ATP2B2: variants seen among roughly 807,000 people sequenced by gnomAD.
ATP2B2 encodes ATPase plasma membrane Ca2+ transporting 2.
A neutral mutation model predicts 120.0 loss-of-function variants in ATP2B2; 15 were observed. That is an observed-to-expected ratio of 0.12 (90% CI 0.08 to 0.19). ATP2B2 has a LOEUF of 0.19. ATP2B2 is among the 10% of genes least tolerant of loss of function. ATP2B2 has a pLI of 1.00. For synonymous variants in ATP2B2, 694 were observed against 700.3 expected (o/e 0.99, Z 0.14); for missense variants, 1,045 against 1,719.8 (o/e 0.61, Z 6.94).
intron 2 of ATP2B2, among the ~76,000 whole-genome samples, chr3:10,618,323 C>T (rs2069452339): frequency 6.6e-6 from 1 of 152,114 alleles, no homozygotes; most frequent in African/African-American, 2.4e-5. Context: ...AGAGGTGAAC[C>T]TTAGTACTGT....
At chr3:10,628,563 C>A (rs978897801) in intron 1 of ATP2B2, among the ~76,000 whole-genome samples, 1 of 152,224 alleles carries the variant, frequency 6.6e-6, no homozygotes, top group Non-Finnish European at 1.5e-5. Flanking sequence ...TGTAGTAGGG[C>A]GTCCATGCAA....
intron 1 of ATP2B2, among the ~76,000 whole-genome samples, chr3:10,486,790 G>A (rs1417289349): frequency 1.3e-5 from 2 of 152,140 alleles, no homozygotes; most frequent in African/African-American, 4.8e-5. Context: ...CATGATCTTG[G>A]CTCACTGTGA....
chr3:10,527,451 T>G lies in ATP2B2; in HGVS notation c.-320+6588A>C, dbSNP rs556621223. On this transcript the variant is annotated intron_variant, in intron 3 of 21. Transcript: ENST00000646379. The stretch of plus-strand genomic sequence containing the variant: ...GGCTACAGAGCCCACGCTCTTGTAC[T>G]CTTTCACCGCCCTCTGGAGGGAGCA... Among the ~76,000 whole-genome samples the G allele has an allele frequency of 1.2e-3, 180 of 152,340 alleles. 1 individual carries two copies. In the South Asian group the frequency reaches 0.018, roughly 15 times the overall value.
intron 2 of ATP2B2, among the ~76,000 whole-genome samples, chr3:10,615,590 G>T (rs2069363190): frequency 6.6e-6 from 1 of 152,140 alleles, no homozygotes; most frequent in South Asian, 2.1e-4. Flanking sequence ...GGGACAGAAG[G>T]ACCTTGAAGC....
At chr3:10,538,710 T>A (rs954334917) in intron 2 of ATP2B2, among the ~76,000 whole-genome samples, 3 of 152,196 alleles carry the variant, frequency 2.0e-5, no homozygotes, top group African/African-American at 7.2e-5. Flanking sequence ...AAATTAGGTA[T>A]TGATGGGACG....
intron 3 of ATP2B2, among the ~76,000 whole-genome samples, chr3:10,532,864 C>T (rs1383795936): frequency 6.6e-6 from 1 of 152,176 alleles, no homozygotes; most frequent in Admixed American, 6.6e-5. Context: ...GCCAGTGATG[C>T]TTGCTTGCAC....
At chr3:10,498,305 C>G (rs1023692229) in intron 1 of ATP2B2, among the ~76,000 whole-genome samples, 1 of 152,254 alleles carries the variant, frequency 6.6e-6, no homozygotes, top group East Asian at 1.9e-4. Flanking sequence ...TTGTCCTCAA[C>G]TACTGCGCTA....
chr3:10,332,337 T>C (rs2060003672), intron 22 of ATP2B2: 1 of 393,516 alleles, frequency 2.5e-6, no homozygotes, highest in Non-Finnish European at 4.7e-6. Flanking sequence ...TGGGGCTGGC[T>C]CTTGGCTTGG....
At chr3:10,682,954 C>T (rs1278232447) in intron 1 of ATP2B2, among the ~76,000 whole-genome samples, 5 of 152,124 alleles carry the variant, frequency 3.3e-5, no homozygotes, top group South Asian at 2.1e-4. Context: ...CTCCTGCAAA[C>T]GGTAATGTGC....
chr3:10,552,581 C>T (rs934295440), intron 2 of ATP2B2, among the ~76,000 whole-genome samples: 1 of 152,234 alleles, frequency 6.6e-6, no homozygotes, highest in African/African-American at 2.4e-5. Flanking sequence ...GGTTGGCTCC[C>T]CTCAGCACTG....
intron 2 of ATP2B2, among the ~76,000 whole-genome samples, chr3:10,412,603 G>C (rs1486122278): frequency 6.6e-6 from 1 of 152,154 alleles, no homozygotes; most frequent in Non-Finnish European, 1.5e-5. Context: ...CACCCCAGGA[G>C]GACAGTGGCC....
rs190292500 is a variant in ATP2B2, at chr3:10,683,734, A to G, written c.-460+24181T>C. The stretch of plus-strand genomic sequence containing the variant: ...TGTATATACATGTGTGTGTGTATAT[A>G]TATGTGTATATATATGTGTGTGTGT... On this transcript the variant is annotated intron_variant, in intron 1 of 21. Coordinates refer to the ATP2B2 transcript ENST00000646379. Among the ~76,000 whole-genome samples the G allele has an allele frequency of 8.5e-4, 109 of 128,050 alleles. 1 individual carries two copies. Among genetic ancestry groups the G allele is most frequent in the Non-Finnish European group, 1.4e-3 (84 of 62,060 alleles). The allele number at this position is 128,050 out of a possible 152,430, so 84.0% of individuals were successfully genotyped here. A position where few individuals can be genotyped will look rare whatever the true frequency, so the allele number is the denominator to read the frequency against.
rs952914611 is a variant in ATP2B2 at position 10,342,328 on chromosome 3, G to A, written c.2917+424C>T. Among the ~76,000 whole-genome samples the A allele has an allele frequency of 6.6e-6, 1 of 152,256 alleles. No individual in the cohort carries two copies. The highest frequency in any genetic ancestry group is 1.9e-4 in the East Asian group (1 of 5,160). ...ATTGTGAGAGTCGGTGGTGGTGTGA[G>A]CGTGTATGCCCTGCCCCAGGAAGCC... On this transcript the variant is annotated intron_variant, in intron 19 of 22. Transcript: ENST00000360273. The surrounding 1 kb of genome is among the most constrained non-coding windows in gnomAD (Gnocchi z 4.4).
intron 1 of ATP2B2, among the ~76,000 whole-genome samples, chr3:10,655,890 C>T (rs189587829): frequency 1.3e-5 from 2 of 152,304 alleles, no homozygotes; most frequent in Admixed American, 1.3e-4. Flanking sequence ...CCTTCTTCAT[C>T]GATGCTTTAT....
intron 18 of ATP2B2, among the ~76,000 whole-genome samples, chr3:10,344,549 G>C (rs890396448): frequency 5.3e-5 from 8 of 152,228 alleles, no homozygotes; most frequent in African/African-American, 9.6e-5. Flanking sequence ...GTGGGCATGG[G>C]CTTGTCTGCC....
rs867734721 is a variant in ATP2B2 at position 10,345,313 on chromosome 3, T to G, written c.2703+71A>C. On this transcript the variant is annotated intron_variant, in intron 18 of 22. Coordinates refer to ENST00000360273, the MANE Select transcript of ATP2B2 (RefSeq NM_001001331.4). ...CTGACAGGGACAACCTGGAGTACCC[T>G]AAGGCCCCCGAGCCTCTGTGGGGGG... The G allele has an allele frequency of 1.4e-4, 222 of 1,562,150 alleles. 2 individuals carry two copies. The Middle Eastern group carries it at 6.7e-3, about 47-fold the overall frequency.
intron 2 of ATP2B2, among the ~76,000 whole-genome samples, chr3:10,546,298 C>T (rs550864492): frequency 6.6e-6 from 1 of 152,170 alleles, no homozygotes; most frequent in Non-Finnish European, 1.5e-5. Context: ...GGAGGTAGCA[C>T]GCTGAGAACC....
intron 1 of ATP2B2, among the ~76,000 whole-genome samples, chr3:10,631,335 A>C (rs542103702): frequency 6.6e-6 from 1 of 152,354 alleles, no homozygotes; most frequent in South Asian, 2.1e-4. Flanking sequence ...TGTTGCAATT[A>C]ACATTACTGT....
intron 1 of ATP2B2, among the ~76,000 whole-genome samples, chr3:10,623,807 A>C (rs2069616132): frequency 6.6e-6 from 1 of 152,160 alleles, no homozygotes; most frequent in Non-Finnish European, 1.5e-5. Context: ...AGCCCACGTG[A>C]ACCTCATTCT....
Sources: gnomAD v4.1 joint callset for allele counts (sites outside exome capture counted in the v4.1 genomes callset) on GRCh38, gnomAD v4.1.1 for gene constraint, Gnocchi (gnomAD v3.1) non-coding constraint, MANE v1.5 for transcripts, NCBI Gene and HGNC (gene_info 2026-07-23, HGNC 2026-07-21) for gene names.